SLC25A37: variants seen among roughly 807,000 people sequenced by gnomAD.
SLC25A37 encodes solute carrier family 25 member 37.
SLC25A37 carries 17 observed loss-of-function variants against 31.0 expected under a neutral mutation model. The ratio of observed to expected loss-of-function variants is 0.55; its 90% CI spans 0.38 to 0.82. SLC25A37 has a LOEUF of 0.82. Among genes scored for constraint, SLC25A37 ranks in the 40% least tolerant of loss-of-function variants. The probability of loss-of-function intolerance (pLI) is 0.00; values close to 1 mark genes in which losing one functional copy is unlikely to be tolerated. For missense variants in SLC25A37, 404 were observed against 465.8 expected (o/e 0.87, Z 1.22); for synonymous variants, 222 against 193.0 (o/e 1.15, Z -1.24).
chr8:23,571,947 C>A lies in SLC25A37; in HGVS notation c.*92C>A. On this transcript the variant is annotated 3_prime_UTR_variant, in exon 4 of 4. Transcript: ENST00000519973. ...TCACACGTAGATCATTTTTTTTTTG[C>A]AGGGTGCTGCCTATGGGCCCTCTGC... 3 of 1,162,892 alleles carry A rather than the reference C, an allele frequency of 2.6e-6. No homozygotes were observed. The highest frequency in any genetic ancestry group is 3.6e-6 in the Non-Finnish European group (3 of 823,556). The allele number at this position is 1,162,892 out of a possible 1,614,324, so 72.0% of individuals were successfully genotyped here.
intron 1 of SLC25A37, chr8:23,541,384 C>CT (rs1257020710): frequency 6.6e-6 from 1 of 152,344 alleles, no homozygotes; most frequent in Non-Finnish European, 1.5e-5. Flanking sequence ...AGGAAGGTGA[C>CT]TAATGATCCC....
At chr8:23,552,454 A>G (rs2117423042) in intron 1 of SLC25A37, among the ~76,000 whole-genome samples, 1 of 152,316 alleles carries the variant, frequency 6.6e-6, no homozygotes, top group East Asian at 1.9e-4. Context: ...TTGTGCTCTC[A>G]GGCATGTGGC....
intron 2 of SLC25A37, 176 bp from the exon 3 acceptor site, chr8:23,568,146 T>TA: frequency 1.4e-6 from 1 of 713,648 alleles, no homozygotes; most frequent in South Asian, 1.5e-5. Context: ...TCCCCATTTT[T>TA]ATCATATTTC....
intron 1 of SLC25A37, among the ~76,000 whole-genome samples, chr8:23,556,712 A>G (rs765473001): frequency 3.3e-5 from 5 of 152,094 alleles, no homozygotes; most frequent in Non-Finnish European, 5.9e-5. Context: ...GAGATGTTAG[A>G]AAAAGACACG....
chr8:23,536,430 C>G (rs1211041151), intron 1 of SLC25A37, among the ~76,000 whole-genome samples: 2 of 152,224 alleles, frequency 1.3e-5, no homozygotes, highest in Non-Finnish European at 1.5e-5. Flanking sequence ...CCTGGCCCAC[C>G]CTGCTGCCTC....
At chr8:23,568,411 G>A in intron 3 of SLC25A37, 33 bp downstream of exon 3, 1 of 1,613,630 alleles carries the variant, frequency 6.2e-7, no homozygotes, top group Non-Finnish European at 8.5e-7. Context: ...AGGGGCAGTA[G>A]GGGATGTGCA....
At chr8:23,548,061 G>C (rs191292357) in intron 1 of SLC25A37, among the ~76,000 whole-genome samples, 3 of 152,242 alleles carry the variant, frequency 2.0e-5, no homozygotes, top group Non-Finnish European at 4.4e-5. Context: ...TGGGAATGAT[G>C]GGGTTGGGGA....
intron 1 of SLC25A37, among the ~76,000 whole-genome samples, chr8:23,565,257 T>C (rs948117652): frequency 1.3e-5 from 2 of 152,166 alleles, no homozygotes; most frequent in Admixed American, 1.3e-4. Context: ...TAGTGTTAGA[T>C]CAAATATCTG....
chr8:23,540,962 G>C (rs533326881), intron 1 of SLC25A37, among the ~76,000 whole-genome samples: 1 of 152,214 alleles, frequency 6.6e-6, no homozygotes, highest in Non-Finnish European at 1.5e-5. Context: ...GAGGGGTAAG[G>C]TTAGCTCATT....
At chr8:23,544,749 G>A (rs190498097) in intron 1 of SLC25A37, among the ~76,000 whole-genome samples, 35 of 152,182 alleles carry the variant, frequency 2.3e-4, no homozygotes, top group Non-Finnish European at 4.9e-4. Flanking sequence ...CATCCCCAGG[G>A]TGCCTGCATG....
chr8:23,559,439 C>T (rs1802456115), intron 1 of SLC25A37, among the ~76,000 whole-genome samples: 1 of 152,054 alleles, frequency 6.6e-6, no homozygotes, highest in African/African-American at 2.4e-5. Flanking sequence ...CCTTTTTCCT[C>T]CTCTCCACCC....
intron 1 of SLC25A37, among the ~76,000 whole-genome samples, chr8:23,565,873 CTTCTCTGTCT>C (rs1394849119): frequency 1.3e-5 from 2 of 152,240 alleles, no homozygotes; most frequent in African/African-American, 4.8e-5. Flanking sequence ...CTTCCACAGC[CTTCTCTGTCT>C]TTCTCCCTTT....
chr8:23,538,689 A>G (rs1268273466), intron 1 of SLC25A37, among the ~76,000 whole-genome samples: 1 of 152,120 alleles, frequency 6.6e-6, no homozygotes, highest in African/African-American at 2.4e-5. Flanking sequence ...AAAAATAAGA[A>G]TGCCTGGTCC....
intron 2 of SLC25A37, 28 bp from the exon 3 acceptor site, chr8:23,568,294 G>A: frequency 4.3e-6 from 7 of 1,613,524 alleles, no homozygotes; most frequent in Non-Finnish European, 5.9e-6. Context: ...CGATCGCAGA[G>A]GGTAATTTTC....
chr8:23,551,037 A>G (rs551380581), intron 1 of SLC25A37, among the ~76,000 whole-genome samples: 2 of 152,346 alleles, frequency 1.3e-5, no homozygotes, highest in East Asian at 3.9e-4. Flanking sequence ...ACACCAGACC[A>G]GTCAGCAGTG....
At chr8:23,550,208 A>G (rs1347613589) in intron 1 of SLC25A37, among the ~76,000 whole-genome samples, 4 of 136,306 alleles carry the variant, frequency 2.9e-5, no homozygotes, top group Non-Finnish European at 6.0e-5. Context: ...AAAACACAAA[A>G]AAACAAAAAC....
rs183390520 is a variant in SLC25A37 at position 23,532,371 on chromosome 8, C to T, written c.210+3159C>T. Among the ~76,000 whole-genome samples the T allele has an allele frequency of 2.6e-4, 39 of 152,254 alleles. 3 individuals carry two copies. Among genetic ancestry groups the T allele is most frequent in the Admixed American group, 1.5e-3 (23 of 15,294 alleles). ...TGGCAATGACTTACTCCTGTCTAGG[C>T]GGGGTCTGGTGGCAGGTTTTCCATG... On this transcript the variant is annotated intron_variant, in intron 1 of 3. Coordinates refer to ENST00000519973, the MANE Select transcript of SLC25A37 (RefSeq NM_016612.4).
At chr8:23,556,996 G>A (rs760960604) in intron 1 of SLC25A37, among the ~76,000 whole-genome samples, 3 of 152,076 alleles carry the variant, frequency 2.0e-5, no homozygotes, top group Admixed American at 6.6e-5. Context: ...GATTACAGGC[G>A]TGTGCCACTA....
intron 1 of SLC25A37, among the ~76,000 whole-genome samples, chr8:23,538,104 G>A (rs1031326787): frequency 1.3e-5 from 2 of 151,990 alleles, no homozygotes; most frequent in Non-Finnish European, 2.9e-5. Context: ...CTATTGGCTG[G>A]GCGTGGTGGC....
Sources: gnomAD v4.1 joint callset for allele counts (sites outside exome capture counted in the v4.1 genomes callset) on GRCh38, gnomAD v4.1.1 for gene constraint, MANE v1.5 for transcripts, NCBI Gene and HGNC (gene_info 2026-07-23, HGNC 2026-07-21) for gene names.